WFDC10B: variants seen among roughly 807,000 people sequenced by gnomAD.
The protein encoded by WFDC10B is WAP four-disulfide core domain 10B.
Under a neutral mutation model 2.7 loss-of-function variants are expected in WFDC10B, and 1 was observed. The observed-to-expected ratio is 0.38, with a 90% CI of 0.13 to 1.79. The LOEUF (loss-of-function observed/expected upper bound fraction) is 1.79. Ranked by LOEUF, WFDC10B falls within the 40% of genes most tolerant of loss-of-function variation. WFDC10B has a pLI of 0.33. For synonymous variants in WFDC10B, 26 were observed against 32.2 expected (o/e 0.81, Z 0.65); for missense variants, 71 against 87.8 (o/e 0.81, Z 0.76).
At chr20:45,686,543 G>C (rs909055507) in intron 2 of WFDC10B, among the ~76,000 whole-genome samples, 2 of 151,956 alleles carry the variant, frequency 1.3e-5, no homozygotes, top group South Asian at 2.1e-4. Flanking sequence ...TTTTTTTGGG[G>C]GGGGGCGGTG....
chr20:45,692,943 C>A (rs1014162480), intron 2 of WFDC10B, among the ~76,000 whole-genome samples: 2 of 152,000 alleles, frequency 1.3e-5, no homozygotes, highest in East Asian at 3.8e-4. Context: ...TCTGTTTTTT[C>A]CCCATCTTTG....
At chr20:45,701,110 G>C (rs774559754) in intron 2 of WFDC10B, among the ~76,000 whole-genome samples, 41 of 152,194 alleles carry the variant, frequency 2.7e-4, no homozygotes, top group Non-Finnish European at 4.1e-4. Context: ...CTATTGTGCT[G>C]TTTAGTAGCC....
At chr20:45,689,628 T>C (rs1983742128) in intron 2 of WFDC10B, among the ~76,000 whole-genome samples, 1 of 152,210 alleles carries the variant, frequency 6.6e-6, no homozygotes, top group African/African-American at 2.4e-5. Flanking sequence ...TCACTCATGA[T>C]TTGGCTCTCT....
intron 2 of WFDC10B, among the ~76,000 whole-genome samples, chr20:45,703,231 A>G (rs1342066841): frequency 6.6e-6 from 1 of 152,146 alleles, no homozygotes; most frequent in Admixed American, 6.5e-5. Flanking sequence ...TTGAGCCCCA[A>G]GCTCTTCAAA....
At chr20:45,692,377 T>C (rs1390413323) in intron 2 of WFDC10B, among the ~76,000 whole-genome samples, 1 of 152,088 alleles carries the variant, frequency 6.6e-6, no homozygotes, top group Non-Finnish European at 1.5e-5. Flanking sequence ...ATCTGAATGT[T>C]GGCCTGCCTT....
chr20:45,687,658 A>G (rs1343105382), intron 2 of WFDC10B, among the ~76,000 whole-genome samples: 1 of 151,920 alleles, frequency 6.6e-6, no homozygotes, highest in African/African-American at 2.4e-5. Flanking sequence ...TTTCTCCACA[A>G]CCTCAACAGC....
At chr20:45,685,312 A>G (rs1600950813) in intron 3 of WFDC10B, among the ~76,000 whole-genome samples, 3 of 151,698 alleles carry the variant, frequency 2.0e-5, no homozygotes, top group Non-Finnish European at 4.4e-5. Context: ...ACATTTCCAA[A>G]CCCTCCCCTA....
chr20:45,702,216 G>C (rs1984191751), intron 2 of WFDC10B: 4 of 1,610,668 alleles, frequency 2.5e-6, no homozygotes, highest in Non-Finnish European at 2.5e-6. Flanking sequence ...TTCTGAGTAG[G>C]TGCTGGATCT....
chr20:45,694,521 C>A (rs370452063), intron 2 of WFDC10B, among the ~76,000 whole-genome samples: 2 of 152,120 alleles, frequency 1.3e-5, no homozygotes, highest in East Asian at 3.8e-4. Context: ...AATAGAGCTT[C>A]AAAATATATG....
At chr20:45,693,970 G>A (rs1437158648) in intron 2 of WFDC10B, among the ~76,000 whole-genome samples, 2 of 152,146 alleles carry the variant, frequency 1.3e-5, no homozygotes. Context: ...CAGCCATCTT[G>A]GCTCCTCCTC....
chr20:45,690,967 G>A lies in WFDC10B; in HGVS notation c.-64-4911C>T, dbSNP rs575672575. On this transcript the variant is annotated intron_variant, in intron 2 of 3. Transcript: ENST00000330523. ...GGATCTTTCCTGCTTTCTCTTGTGG[G>A]CATTTAGTGTCATAAATTTCCCTCT... 1.2e-4 allele frequency among the ~76,000 whole-genome samples: 19 copies of A among 152,190 alleles called. No homozygotes were observed. In the South Asian group the frequency reaches 2.3e-3, roughly 18 times the overall value.
rs982642272 is a variant in WFDC10B at position 45,689,845 on chromosome 20, C to A, written c.-64-3789G>T. The stretch of plus-strand genomic sequence containing the variant: ...GAATACACTTTATTTCCTTCTCCTG[C>A]CTAATTGCCCAGGCCAGAACTTCCA... On this transcript the variant is annotated intron_variant, in intron 2 of 3. Coordinates refer to ENST00000330523, the MANE Select transcript of WFDC10B (RefSeq NM_172006.2). Among the ~76,000 whole-genome samples the A allele has an allele frequency of 5.5e-3, 838 of 152,264 alleles. 5 individuals are homozygous for A. Among genetic ancestry groups the A allele is most frequent in the African/African-American group, 0.019 (804 of 41,536 alleles).
At chr20:45,701,809 A>G (rs527457558) in intron 2 of WFDC10B, among the ~76,000 whole-genome samples, 1 of 152,212 alleles carries the variant, frequency 6.6e-6, no homozygotes, top group Non-Finnish European at 1.5e-5. Flanking sequence ...TAAATATAAC[A>G]TGTACAATTT....
At chr20:45,689,826 A>C (rs1168344185) in intron 2 of WFDC10B, among the ~76,000 whole-genome samples, 1 of 152,208 alleles carries the variant, frequency 6.6e-6, no homozygotes, top group South Asian at 2.1e-4. Context: ...AATTGAATAC[A>C]CTTTATTTCC....
In WFDC10B at chr20:45,697,362, T is replaced by C. The variant is rs147231819; in HGVS notation, c.-65+7135A>G. On this transcript the variant is annotated intron_variant, in intron 2 of 3. Transcript: ENST00000330523. ...AGAAATTATAGAAGACCTCAAGAAA[T>C]AGAAAGACATCCCATCATTTTTTTT... Among the ~76,000 whole-genome samples the C allele has an allele frequency of 3.3e-3, 469 of 144,180 alleles. 3 individuals carry two copies. Among genetic ancestry groups the C allele is most frequent in the African/African-American group, 0.011 (431 of 39,118 alleles). The allele number at this position is 144,180 out of a possible 152,430, so 94.6% of individuals were successfully genotyped here.
At chr20:45,704,316 C>A in intron 2 of WFDC10B, 181 bp downstream of exon 2, 1 of 1,284,460 alleles carries the variant, frequency 7.8e-7, no homozygotes, top group Non-Finnish European at 1.0e-6. Context: ...AACCTGATGC[C>A]ACCACCCTGG....
intron 2 of WFDC10B, among the ~76,000 whole-genome samples, chr20:45,696,405 G>A (rs1363697594): frequency 6.6e-6 from 1 of 151,484 alleles, no homozygotes; most frequent in African/African-American, 2.4e-5. Flanking sequence ...ATAAACATGT[G>A]AGCACAGAAA....
At chr20:45,688,700 C>A (rs1287842912) in intron 2 of WFDC10B, among the ~76,000 whole-genome samples, 1 of 150,862 alleles carries the variant, frequency 6.6e-6, no homozygotes, top group East Asian at 2.0e-4. Flanking sequence ...TTTGTTTTTT[C>A]CTTGTAAATT....
chr20:45,693,298 G>A (rs935393097), intron 2 of WFDC10B, among the ~76,000 whole-genome samples: 1 of 152,360 alleles, frequency 6.6e-6, no homozygotes, highest in South Asian at 2.1e-4. Flanking sequence ...CACTTGAGGA[G>A]GCAGTCTGCC....
Sources: gnomAD v4.1 joint callset for allele counts (sites outside exome capture counted in the v4.1 genomes callset) on GRCh38, gnomAD v4.1.1 for gene constraint, MANE v1.5 for transcripts, NCBI Gene and HGNC (gene_info 2026-07-23, HGNC 2026-07-21) for gene names.